ARFGEF1: variants seen among roughly 807,000 people sequenced by gnomAD.
ARFGEF1 encodes brefeldin A-inhibited guanine nucleotide-exchange protein 1.
In ARFGEF1, 42 loss-of-function variants were observed where a neutral mutation model predicts 231.0. That is an observed-to-expected ratio of 0.18 (90% CI 0.14 to 0.24). ARFGEF1 has a LOEUF of 0.24. ARFGEF1 is among the 10% of genes least tolerant of loss of function. ARFGEF1 has a pLI of 1.00. For synonymous variants in ARFGEF1, 710 were observed against 732.3 expected (o/e 0.97, Z 0.49); for missense variants, 1,345 against 2,192.0 (o/e 0.61, Z 7.72).
intron 17 of ARFGEF1, among the ~76,000 whole-genome samples, chr8:67,257,053 G>A (rs1305518556): frequency 6.6e-6 from 1 of 152,018 alleles, no homozygotes; most frequent in South Asian, 2.1e-4. Context: ...AGTTCATTAC[G>A]CTAATCCCTC....
chr8:67,292,230 CTTGGAAA>C (rs1362753069), intron 5 of ARFGEF1, 107 bp from the exon 6 acceptor site: 5 of 915,808 alleles, frequency 5.5e-6, no homozygotes, highest in Non-Finnish European at 6.5e-6. Context: ...TCTCTCTACG[CTTGGAAA>C]TTAAAGTTTA....
chr8:67,195,535 A>G (rs758328481), downstream of ARFGEF1: 3 of 1,614,214 alleles, frequency 1.9e-6, no homozygotes, highest in East Asian at 2.2e-5. Context: ...GAGCAGCAGC[A>G]GATTCCTGGA....
At chr8:67,252,244 C>T (rs1386464331) in intron 18 of ARFGEF1, among the ~76,000 whole-genome samples, 1 of 137,462 alleles carries the variant, frequency 7.3e-6, no homozygotes, top group Non-Finnish European at 1.5e-5. Context: ...GCCAAGATCG[C>T]ACCATTGCAC....
At position 67,308,781 on chromosome 8, in the gene ARFGEF1, T is replaced by C. The variant is rs1806862593; in HGVS notation, c.125-6315A>G. 2.6e-5 allele frequency among the ~76,000 whole-genome samples: 4 copies of C among 152,288 alleles called. 1 individual carries two copies. The South Asian group carries it at 8.3e-4, about 32-fold the overall frequency. On this transcript the variant is annotated intron_variant, in intron 1 of 38. Transcript: ENST00000262215. ...TTTTTATTTTTTAATTTTATTATTTTAATGGACACATATTAATTGTATATA... is the reference window on the plus strand; with the variant it reads ...TTTTTATTTTTTAATTTTATTATTTCAATGGACACATATTAATTGTATATA...
chr8:67,333,347 T>G (rs1302988134), intron 1 of ARFGEF1, among the ~76,000 whole-genome samples: 154 of 139,532 alleles, frequency 1.1e-3, no homozygotes, highest in Non-Finnish European at 1.9e-3. Flanking sequence ...TTTTTTTTTT[T>G]GAGACAGGGT....
intron 27 of ARFGEF1, among the ~76,000 whole-genome samples, chr8:67,226,868 T>C (rs1839392824): frequency 1.3e-5 from 2 of 151,868 alleles, no homozygotes; most frequent in South Asian, 4.1e-4. Flanking sequence ...TTTCCTAATC[T>C]ATTTTGAAAA....
At chr8:67,276,230 G>C (rs939138760) in intron 8 of ARFGEF1, 121 bp from the exon 9 acceptor site, 96 of 1,072,470 alleles carry the variant, frequency 9.0e-5, no homozygotes, top group Non-Finnish European at 1.3e-4. Context: ...TGTTGGAAGG[G>C]GAACCAGATG....
intron 17 of ARFGEF1, among the ~76,000 whole-genome samples, chr8:67,256,931 G>A (rs1329717816): frequency 6.6e-6 from 1 of 152,082 alleles, no homozygotes; most frequent in Non-Finnish European, 1.5e-5. Flanking sequence ...CAGATGAAAT[G>A]GTATGATATC....
rs773954226 is a variant in ARFGEF1 at position 67,179,927 on chromosome 8, G to A, written c.561-4355C>T. The A allele has an allele frequency of 4.6e-6, 7 of 1,513,170 alleles. No individual in the cohort carries two copies. Among genetic ancestry groups the A allele is most frequent in the Non-Finnish European group, 6.4e-6 (7 of 1,089,538 alleles). The allele number at this position is 1,513,170 out of a possible 1,614,324, so 93.7% of individuals were successfully genotyped here. A position where few individuals can be genotyped will look rare whatever the true frequency, so the allele number is the denominator to read the frequency against. ...TTGGAATCTGATAGTGCTTTTATTG[G>A]TGAGTATATTTATTTTATTAAGGCT... is the stretch of plus-strand genomic sequence containing the variant. On this transcript the variant is annotated intron_variant, in intron 5 of 5. Coordinates refer to the ARFGEF1 transcript ENST00000518789.
At position 67,301,281 on chromosome 8, in the gene ARFGEF1, C is replaced by T. The variant is rs536882463; in HGVS notation, c.255G>A (p.Glu85=). ...IEADKYFLPF[E]LACQSKCPRI... is the part of the protein sequence containing the mutation. ...GAGGACATTTGGACTGGCATGCCAA[C>T]TCAAAAGGCAAGAAGTACTTGTCTG... is the stretch of plus-strand genomic sequence containing the variant. The change falls in exon 3 of 39, where the codon GAG becomes GAA. Residue 85 remains glutamate (E), a synonymous_variant. Transcript: ENST00000262215. The T allele has an allele frequency of 1.9e-6, 3 of 1,614,062 alleles. No homozygotes were observed. Among genetic ancestry groups the T allele is most frequent in the Non-Finnish European group, 2.5e-6 (3 of 1,180,012 alleles).
chr8:67,197,698 C>T lies in ARFGEF1; in HGVS notation c.*1236G>A. On this transcript the variant is annotated 3_prime_UTR_variant, in exon 39 of 39. Coordinates refer to ENST00000262215, the MANE Select transcript of ARFGEF1 (RefSeq NM_006421.5). The stretch of plus-strand genomic sequence containing the variant: ...TGAAATAATTCAAAAACTTTATTGA[C>T]CTATAACCTGATTAGAATATGCCAG... The T allele has an allele frequency of 3.7e-5, 36 of 985,672 alleles. No individual in the cohort carries two copies. Among genetic ancestry groups the T allele is most frequent in the Non-Finnish European group, 4.3e-5 (36 of 829,878 alleles). 61.1% of individuals were successfully genotyped at this position (985,672 alleles called of 1,614,324 possible).
chr8:67,197,671 G>A lies in ARFGEF1; in HGVS notation c.*1263C>T. 2.0e-6 allele frequency: 2 copies of A among 985,818 alleles called. No homozygotes were observed. The highest frequency in any genetic ancestry group is 4.7e-5 in the South Asian group (1 of 21,286). The allele number at this position is 985,818 out of a possible 1,614,324, so 61.1% of individuals were successfully genotyped here. A position where few individuals can be genotyped will look rare whatever the true frequency, so the allele number is the denominator to read the frequency against. ...GGGTTATACAGGTTTTGATTGCACT[G>A]ATGAAATAATTCAAAAACTTTATTG... On this transcript the variant is annotated 3_prime_UTR_variant, in exon 39 of 39. Transcript: ENST00000262215.
chr8:67,208,687 G>A (rs760551785), intron 34 of ARFGEF1, among the ~76,000 whole-genome samples: 2 of 151,238 alleles, frequency 1.3e-5, no homozygotes, highest in African/African-American at 2.4e-5. Context: ...AACATTGGGG[G>A]AAATGCTCAT....
At chr8:67,253,118 G>A (rs1288183973) in intron 18 of ARFGEF1, among the ~76,000 whole-genome samples, 1 of 151,938 alleles carries the variant, frequency 6.6e-6, no homozygotes. Flanking sequence ...TTCAGAATGT[G>A]GGGAAAAAAT....
In ARFGEF1 at chr8:67,198,502, A is replaced by G. The variant is rs1838193641; in HGVS notation, c.*432T>C. On this transcript the variant is annotated 3_prime_UTR_variant, in exon 39 of 39. Transcript: ENST00000262215. The stretch of plus-strand genomic sequence containing the variant: ...TAGTTGCTAAATATCTTTTACCATG[A>G]ACAATAATTTCTTCTTCTCTCCCCA... The G allele has an allele frequency of 1.0e-6, 1 of 989,854 alleles. No individual in the cohort carries two copies. 61.3% of individuals were successfully genotyped at this position (989,854 alleles called of 1,614,324 possible). A position where few individuals can be genotyped will look rare whatever the true frequency, so the allele number is the denominator to read the frequency against.
chr8:67,290,825 T>C (rs1205301774), intron 6 of ARFGEF1, among the ~76,000 whole-genome samples: 1 of 152,186 alleles, frequency 6.6e-6, no homozygotes, highest in Non-Finnish European at 1.5e-5. Context: ...CTATGAATGC[T>C]TAGCTTATCG....
Position 67,222,212 on chromosome 8 carries a change from C to T in ARFGEF1, c.4209-2652G>A, listed in dbSNP as rs71517406. On this transcript the variant is annotated intron_variant, in intron 29 of 38. Coordinates refer to ENST00000262215, the MANE Select transcript of ARFGEF1 (RefSeq NM_006421.5). The stretch of plus-strand genomic sequence containing the variant: ...ATATATATATATATATATACACACA[C>T]ATATATATATATGTATATGTATGTA... Among the ~76,000 whole-genome samples, 303 of 117,608 alleles carry T rather than the reference C, an allele frequency of 2.6e-3. 2 individuals carry two copies. The highest frequency in any genetic ancestry group is 0.012 in the Middle Eastern group (3 of 242). 77.2% of individuals were successfully genotyped at this position (117,608 alleles called of 152,430 possible). A position where few individuals can be genotyped will look rare whatever the true frequency, so the allele number is the denominator to read the frequency against.
intron 1 of ARFGEF1, among the ~76,000 whole-genome samples, chr8:67,341,911 A>G (rs142602760): frequency 0.012 from 1,817 of 152,342 alleles, 14 homozygotes; most frequent in Middle Eastern, 0.031. Context: ...CAAATGTTTT[A>G]AGATGAAATT....
Position 67,258,102 on chromosome 8 carries a change from G to A in ARFGEF1, c.2424C>T (p.Tyr808=), listed in dbSNP as rs1343976228. ...TTATTTACCCTTGGTTGCATTCTAG[G>A]TATCTTGCAGCAAATTTTTCCATTA... ...DRLMEKFAAR[Y]LECNQGQTLF... is the part of the protein sequence containing the mutation. The change falls in exon 16 of 39, where the codon TAC becomes TAT. Residue 808 remains tyrosine, a synonymous_variant. Transcript: ENST00000262215. 2 of 1,613,336 alleles carry A rather than the reference G, an allele frequency of 1.2e-6. No homozygotes were observed. The highest frequency in any genetic ancestry group is 3.3e-5 in the Admixed American group (2 of 60,020).
Sources: allele counts gnomAD v4.1 joint callset (sites outside exome capture counted in the v4.1 genomes callset), GRCh38; gene constraint gnomAD v4.1.1; transcripts MANE v1.5; gene names NCBI Gene and HGNC (gene_info 2026-07-23, HGNC 2026-07-21).